Variants in CELSR1 observed in about 807,000 individuals in gnomAD.
CELSR1 encodes the protein adhesion G protein-coupled receptor C1.
CELSR1 carries 110 observed loss-of-function variants against 249.1 expected under a neutral mutation model. The observed-to-expected ratio is 0.44, with a 90% CI of 0.38 to 0.52. The LOEUF (loss-of-function observed/expected upper bound fraction) is 0.52. Ranked by LOEUF, CELSR1 falls within the 20% of genes least tolerant of loss-of-function variation. CELSR1 has a pLI of 0.00. For missense variants in CELSR1, 4,109 were observed against 4,296.4 expected, an observed-to-expected ratio of 0.96 and a Z score of 1.22; for synonymous variants, 2,113 against 1,900.0, an observed-to-expected ratio of 1.11 and a Z score of -2.92.
rs986471613 is a variant in CELSR1, at chr22:46,446,860, G to A, written c.4184-7449C>T. Among the ~76,000 whole-genome samples the A allele has an allele frequency of 2.6e-5, 4 of 152,066 alleles. No homozygotes were observed. The highest frequency in any genetic ancestry group is 9.7e-5 in the African/African-American group (4 of 41,408). ...AGGACCATGAGAACCAAGAGCAACT[G>A]GGTTCTGGATGAACTGGACCAGCCG... On this transcript the variant is annotated intron_variant, in intron 2 of 34. Transcript: ENST00000674500. This position sits in a 1 kb window ranked among gnomAD's most constrained non-coding sequence, Gnocchi z 5.5.
rs117504581 is a variant in CELSR1 at position 46,429,102 on chromosome 22, C to T, written c.4611+4291G>A. Among the ~76,000 whole-genome samples, 523 of 152,266 alleles carry T rather than the reference C, an allele frequency of 3.4e-3. 6 individuals carry two copies. The highest frequency in any genetic ancestry group is 0.018 in the East Asian group (94 of 5,182). On this transcript the variant is annotated intron_variant, in intron 5 of 34. Coordinates refer to ENST00000674500, the MANE Select transcript of CELSR1 (RefSeq NM_001378328.1). This position sits in a 1 kb window ranked among gnomAD's most constrained non-coding sequence, Gnocchi z 4.1. ...AAGCACAGTAAGGGAATGACCCGCT[C>T]AGTGCAGCCCCGAGGATCCCCATCC... is the stretch of plus-strand genomic sequence containing the variant.
rs1044629249 is a variant in CELSR1, at chr22:46,473,868, GT to G, written c.3545-9524del. On this transcript the variant is annotated intron_variant, in intron 1 of 34. Coordinates refer to ENST00000674500, the MANE Select transcript of CELSR1 (RefSeq NM_001378328.1). The surrounding 1 kb of genome is among the most constrained non-coding windows in gnomAD (Gnocchi z 6.6). ...ATTGGGGCCAGACAACAGGTGCGAT[GT>G]GTTGATCCTGCTACCTGAGGGCGTG... Among the ~76,000 whole-genome samples, 8 of 152,146 alleles carry G rather than the reference GT, an allele frequency of 5.3e-5. No homozygotes were observed. The highest frequency in any genetic ancestry group is 1.9e-4 in the African/African-American group (8 of 41,404).
Position 46,396,747 on chromosome 22 carries a change from C to T in CELSR1, c.5702-1G>A. The T allele has an allele frequency of 6.2e-7, 1 of 1,611,680 alleles. No individual in the cohort carries two copies. Among genetic ancestry groups the T allele is most frequent in the Non-Finnish European group, 8.5e-7 (1 of 1,178,992 alleles). On this transcript the variant is annotated splice_acceptor_variant, in intron 12 of 34. Coordinates refer to ENST00000674500, the MANE Select transcript of CELSR1 (RefSeq NM_001378328.1). LOFTEE classifies it high-confidence loss of function. The surrounding 1 kb of genome is among the most constrained non-coding windows in gnomAD (Gnocchi z 6.4). ...TCCACACAGTTTATTCCAAGGTACC[C>T]TGCAAGGACAGAGCCAGCATTACCT...
In CELSR1 at chr22:46,389,510, G is replaced by A. The variant is rs367804107; in HGVS notation, c.6346-11C>T. On this transcript the variant is annotated splice_polypyrimidine_tract_variant and intron_variant, in intron 17 of 34. Transcript: ENST00000674500. ...GCTCAGCTTCTCATTCTGGAACAGG[G>A]AGGCAGTCGTGATGTGTGCAAACCC... 20 of 1,612,896 alleles carry A rather than the reference G, an allele frequency of 1.2e-5. No homozygotes were observed. The highest frequency in any genetic ancestry group is 1.6e-5 in the Non-Finnish European group (19 of 1,179,978).
rs530380788 is a variant in CELSR1 at position 46,528,119 on chromosome 22, G to A, written c.3544+5508C>T. Among the ~76,000 whole-genome samples the A allele has an allele frequency of 8.1e-4, 122 of 150,314 alleles. 1 individual carries two copies. Among genetic ancestry groups the A allele is most frequent in the African/African-American group, 2.8e-3 (116 of 40,892 alleles). Reference sequence around the variant, plus strand: ...CTGTCTCAAAAAAAAAAAAAAAAAGGTCCGATCCTTCCCTACCCTGTGAGT... The same window carrying A: ...CTGTCTCAAAAAAAAAAAAAAAAAGATCCGATCCTTCCCTACCCTGTGAGT... On this transcript the variant is annotated intron_variant, in intron 1 of 34. Coordinates refer to ENST00000674500, the MANE Select transcript of CELSR1 (RefSeq NM_001378328.1).
chr22:46,498,469 G>A (rs556116634), intron 1 of CELSR1, among the ~76,000 whole-genome samples: 6 of 151,634 alleles, frequency 4.0e-5, no homozygotes, highest in African/African-American at 1.2e-4. Flanking sequence ...AAAATTAGCC[G>A]GGCGTGGTGG....
rs200718242 is a variant in CELSR1, at chr22:46,411,571, C to T, written c.4769+31G>A. On this transcript the variant is annotated intron_variant, in intron 6 of 34. Transcript: ENST00000674500. The surrounding 1 kb of genome is among the most constrained non-coding windows in gnomAD (Gnocchi z 4.2). ...GGGTGAGCATGTTTGGGGGTACGGA[C>T]CCCCAGGGCCTCCCCTCCTGGGATG... 6.6e-5 allele frequency: 107 copies of T among 1,612,768 alleles called. No individual in the cohort carries two copies. The Admixed American group carries it at 1.7e-3, about 26-fold the overall frequency.
At chr22:46,508,449 CT>C (rs1345199356) in intron 1 of CELSR1, among the ~76,000 whole-genome samples, 2 of 149,316 alleles carry the variant, frequency 1.3e-5, no homozygotes, top group African/African-American at 4.9e-5. Flanking sequence ...ACCCCCGCCC[CT>C]TGCTGTCCCC....
In CELSR1 at chr22:46,398,662, T is replaced by A. The variant is rs369831429; in HGVS notation, c.5413-25A>T. On this transcript the variant is annotated intron_variant, in intron 10 of 34. Transcript: ENST00000674500. The surrounding 1 kb of genome is among the most constrained non-coding windows in gnomAD (Gnocchi z 7.2). ...TCTGTGCGGAGAGAGGGGCCGGGGA[T>A]CTGGGGGCTGCATCCACCATCCTAG... The A allele has an allele frequency of 8.7e-5, 136 of 1,569,356 alleles. No individual in the cohort carries two copies. The highest frequency in any genetic ancestry group is 1.1e-4 in the Non-Finnish European group (127 of 1,151,074).
In CELSR1 at chr22:46,409,758, G is replaced by A; in HGVS notation, c.5056C>T (p.Gln1686Ter). The change falls in exon 8 of 35, where the codon CAA becomes TAA. Residue 1686 changes from glutamine (Q) to a stop codon, truncating the protein, a stop_gained. Transcript: ENST00000674500. LOFTEE classifies it high-confidence loss of function. This position sits in a 1 kb window ranked among gnomAD's most constrained non-coding sequence, Gnocchi z 9.8. ...PLRFGGKNCE[Q>*]AMPHPQLFSG... ...ATGGACGACGCCGGCCACTCACCTT[G>A]CTCACAGTTCTTCCCGCCGAATCGG... 1 of 1,613,180 alleles carries A rather than the reference G, an allele frequency of 6.2e-7. No homozygotes were observed. Among genetic ancestry groups the A allele is most frequent in the Non-Finnish European group, 8.5e-7 (1 of 1,179,988 alleles).
At chr22:46,456,664 A>T (rs1239813097) in intron 2 of CELSR1, among the ~76,000 whole-genome samples, 4 of 101,688 alleles carry the variant, frequency 3.9e-5, no homozygotes, top group African/African-American at 9.1e-5. Flanking sequence ...CTCTGTCTAA[A>T]AAAAAAAAAA....
At chr22:46,376,918 C>G in intron 24 of CELSR1, 143 bp downstream of exon 24, 1 of 811,384 alleles carries the variant, frequency 1.2e-6, no homozygotes, top group Non-Finnish European at 2.0e-6. Flanking sequence ...TGACCAGGCA[C>G]GTTCCTGAAA....
intron 2 of CELSR1, among the ~76,000 whole-genome samples, chr22:46,452,966 G>C (rs1262947190): frequency 6.6e-6 from 1 of 152,254 alleles, no homozygotes; most frequent in East Asian, 1.9e-4. Context: ...GGATAGAGTT[G>C]AGTGGGGACA....
rs764494036 is a variant in CELSR1 at position 46,390,374 on chromosome 22, T to A, written c.6345+18A>T. 3 of 1,598,412 alleles carry A rather than the reference T, an allele frequency of 1.9e-6. No homozygotes were observed. In the Middle Eastern group the frequency reaches 5.0e-4, roughly 267 times the overall value. ...CACACGTGCCCCTGCTGAACACACATCCCCGAGGCGCCCCTACCATGGCCC... is the reference window on the plus strand; with the variant it reads ...CACACGTGCCCCTGCTGAACACACAACCCCGAGGCGCCCCTACCATGGCCC... On this transcript the variant is annotated intron_variant, in intron 17 of 34. Coordinates refer to ENST00000674500, the MANE Select transcript of CELSR1 (RefSeq NM_001378328.1). The surrounding 1 kb of genome is among the most constrained non-coding windows in gnomAD (Gnocchi z 6.3).
At chr22:46,422,853 G>A (rs2079493654) in intron 5 of CELSR1, among the ~76,000 whole-genome samples, 1 of 151,836 alleles carries the variant, frequency 6.6e-6, no homozygotes, top group Admixed American at 6.6e-5. Flanking sequence ...GTGCATGTAA[G>A]AAGGCACAGA....
chr22:46,520,573 A>G (rs540382777), intron 1 of CELSR1, among the ~76,000 whole-genome samples: 5 of 151,848 alleles, frequency 3.3e-5, no homozygotes, highest in African/African-American at 1.2e-4. Context: ...CAATTCTCCT[A>G]CCTCAGCCTC....
chr22:46,439,286 T>C lies in CELSR1; in HGVS notation c.4309A>G (p.Arg1437Gly), dbSNP rs1178321362. ...HCVCPPGEYE[R>G]PYCEVTTRSF... ...CTGGTGGTCACCTCACAGTAGGGCC[T>C]CTCATACTCGCCAGGAGGACACACG... is the stretch of plus-strand genomic sequence containing the variant. The change falls in exon 3 of 35, where the codon AGG becomes GGG. Residue 1437 changes from arginine (R) to glycine (G), a missense_variant. Physicochemically the swap from Arg to Gly is moderately radical, Grantham distance 125 (BLOSUM62 -2). Coordinates refer to ENST00000674500, the MANE Select transcript of CELSR1 (RefSeq NM_001378328.1). The C allele has an allele frequency of 2.0e-5, 32 of 1,613,862 alleles. No individual in the cohort carries two copies. Among genetic ancestry groups the C allele is most frequent in the Non-Finnish European group, 2.7e-5 (32 of 1,179,970 alleles).
intron 1 of CELSR1, among the ~76,000 whole-genome samples, chr22:46,516,855 G>T (rs970938777): frequency 6.6e-6 from 1 of 152,206 alleles, no homozygotes; most frequent in Non-Finnish European, 1.5e-5. Flanking sequence ...GAAGGCAGGC[G>T]GCCGAGGGCT....
chr22:46,370,973 CT>C (rs2078845034), intron 25 of CELSR1, among the ~76,000 whole-genome samples: 1 of 151,866 alleles, frequency 6.6e-6, no homozygotes, highest in South Asian at 2.1e-4. Flanking sequence ...TCGCAGAGAC[CT>C]GCTCCGCCTG....
Sources: allele counts gnomAD v4.1 joint callset (sites outside exome capture counted in the v4.1 genomes callset), GRCh38; gene constraint gnomAD v4.1.1; non-coding constraint Gnocchi (gnomAD v3.1); transcripts MANE v1.5; gene names NCBI Gene and HGNC (gene_info 2026-07-23, HGNC 2026-07-21).